TGFB2: variants seen among roughly 807,000 people sequenced by gnomAD.
The protein encoded by TGFB2 is transforming growth factor beta 2.
A neutral mutation model predicts 42.7 loss-of-function variants in TGFB2; 13 were observed. The observed-to-expected ratio is 0.30, with a 90% CI of 0.20 to 0.48. The LOEUF is 0.48. Among genes scored for constraint, TGFB2 ranks in the 20% least tolerant of loss-of-function variants. The probability of loss-of-function intolerance (pLI) is 0.99; values close to 1 mark genes in which losing one functional copy is unlikely to be tolerated. For synonymous variants in TGFB2, 193 were observed against 193.6 expected (o/e 1.00, Z 0.03); for missense variants, 390 against 517.5 (o/e 0.75, Z 2.39).
chr1:218,433,018 C>T (rs1051774499), intron 2 of TGFB2, among the ~76,000 whole-genome samples: 6 of 152,126 alleles, frequency 3.9e-5, no homozygotes, highest in South Asian at 4.1e-4. Flanking sequence ...ACTACAGTTG[C>T]GCTTTACTCA....
intron 1 of TGFB2, among the ~76,000 whole-genome samples, chr1:218,388,592 TA>T (rs935790575): frequency 6.6e-6 from 1 of 152,168 alleles, no homozygotes; most frequent in Admixed American, 6.5e-5. Flanking sequence ...ATCTTATCCC[TA>T]GGTCATTCCC....
Position 218,347,039 on chromosome 1 carries a change from C to A in TGFB2, c.338C>A (p.Pro113His). 6.3e-7 allele frequency: 1 copy of A among 1,580,804 alleles called. No individual in the cohort carries two copies. ...AAAATAGACATGCCGCCCTTCTTCCCCTCCGAAAGTAAGTACTTATTTTGA... is the reference window on the plus strand; with the variant it reads ...AAAATAGACATGCCGCCCTTCTTCCACTCCGAAAGTAAGTACTTATTTTGA... ...VYKIDMPPFFPSENAIPPTFY... is the reference protein window; with the variant it reads ...VYKIDMPPFFHSENAIPPTFY... Residue 113 changes from proline (P) to histidine (H), a missense_variant, in exon 1 of 7, where the codon CCC (proline) becomes CAC (histidine). Pro to His is a moderately conservative substitution (Grantham distance 77). Coordinates refer to ENST00000366930, the MANE Select transcript of TGFB2 (RefSeq NM_003238.6).
At chr1:218,393,909 CTT>C (rs756984581) in intron 1 of TGFB2, among the ~76,000 whole-genome samples, 19 of 137,048 alleles carry the variant, frequency 1.4e-4, no homozygotes, top group Non-Finnish European at 1.6e-4. Flanking sequence ...GCATCGGCCT[CTT>C]TTTTTTTTTT....
Position 218,361,120 on chromosome 1 carries a change from T to C in TGFB2, c.346+14073T>C, listed in dbSNP as rs552141292. 7.3e-4 allele frequency among the ~76,000 whole-genome samples: 111 copies of C among 152,308 alleles called. 1 individual carries two copies. Among genetic ancestry groups the C allele is most frequent in the African/African-American group, 1.5e-3 (61 of 41,566 alleles). ...TGCCTGCCTCGGCCTCCCAAAGTGT[T>C]GGGATTATAGGCGTGAGCCACCGCG... On this transcript the variant is annotated intron_variant, in intron 1 of 6. Coordinates refer to ENST00000366930, the MANE Select transcript of TGFB2 (RefSeq NM_003238.6).
rs920694595 is a variant in TGFB2 at position 218,392,330 on chromosome 1, A to G, written c.347-12839A>G. ...ATCATGCCACTGCACTCCAGCCTGG[A>G]CGACAGAGCAAGACTCCGTCTCAAA... On this transcript the variant is annotated intron_variant, in intron 1 of 6. Transcript: ENST00000366930. 5.3e-5 allele frequency among the ~76,000 whole-genome samples: 8 copies of G among 152,092 alleles called. No homozygotes were observed. In the East Asian group the frequency reaches 1.3e-3, roughly 26 times the overall value.
intron 1 of TGFB2, among the ~76,000 whole-genome samples, chr1:218,401,778 G>C (rs1658730095): frequency 6.6e-6 from 1 of 152,200 alleles, no homozygotes; most frequent in African/African-American, 2.4e-5. Context: ...AGCTGCACAA[G>C]CCATTAAGCC....
At position 218,434,465 on chromosome 1, in the gene TGFB2, C is replaced by A; in HGVS notation, c.754+17C>A. The A allele has an allele frequency of 8.7e-6, 13 of 1,491,994 alleles. No individual in the cohort carries two copies. The highest frequency in any genetic ancestry group is 5.7e-5 in the South Asian group (5 of 88,052). 92.4% of individuals were successfully genotyped at this position (1,491,994 alleles called of 1,614,324 possible). Reference sequence around the variant, plus strand: ...GATTTGCAGGTAACCAAAACTTGGTCATATGAGGTGGGGGAGGGAAGGGTC... The same window carrying A: ...GATTTGCAGGTAACCAAAACTTGGTAATATGAGGTGGGGGAGGGAAGGGTC... On this transcript the variant is annotated intron_variant, in intron 4 of 6. Transcript: ENST00000366930.
intron 2 of TGFB2, among the ~76,000 whole-genome samples, chr1:218,421,763 G>A (rs1439166037): frequency 6.6e-6 from 1 of 152,222 alleles, no homozygotes; most frequent in Non-Finnish European, 1.5e-5. Flanking sequence ...TCCTGCAGGA[G>A]GGTGGGTCCC....
At chr1:218,354,919 G>T (rs1159533495) in intron 1 of TGFB2, among the ~76,000 whole-genome samples, 6 of 152,184 alleles carry the variant, frequency 3.9e-5, no homozygotes, top group African/African-American at 1.4e-4. Flanking sequence ...TTGTTTGTTT[G>T]TGAGACAGAG....
chr1:218,346,599 C>A lies in TGFB2; in HGVS notation c.-103C>A, dbSNP rs1048194881. 56 of 1,112,060 alleles carry A rather than the reference C, an allele frequency of 5.0e-5. No individual in the cohort carries two copies. Among genetic ancestry groups the A allele is most frequent in the Admixed American group, 9.0e-5 (3 of 33,262 alleles). 68.9% of individuals were successfully genotyped at this position (1,112,060 alleles called of 1,614,324 possible). A position where few individuals can be genotyped will look rare whatever the true frequency, so the allele number is the denominator to read the frequency against. On this transcript the variant is annotated 5_prime_UTR_variant, in exon 1 of 7. Transcript: ENST00000366930. This position sits in a 1 kb window ranked among gnomAD's most constrained non-coding sequence, Gnocchi z 4.9. ...AGTTTCGCATCAAAAACAACAACAA[C>A]AAAAAACCAAACAACTCTCCTTGAT...
chr1:218,431,975 C>T (rs1295935631), intron 2 of TGFB2, among the ~76,000 whole-genome samples: 4 of 152,184 alleles, frequency 2.6e-5, no homozygotes, highest in African/African-American at 7.2e-5. Context: ...ATTGTGTATA[C>T]GTTCCACTAT....
chr1:218,356,473 C>G (rs1657039087), intron 1 of TGFB2, among the ~76,000 whole-genome samples: 1 of 152,134 alleles, frequency 6.6e-6, no homozygotes, highest in Admixed American at 6.5e-5. Context: ...CCTGCCTCTG[C>G]CTTCTAAAGT....
intron 2 of TGFB2, chr1:218,405,619 T>C: frequency 2.3e-6 from 1 of 428,586 alleles, no homozygotes; most frequent in Admixed American, 3.5e-5. Context: ...TCTTCCCACC[T>C]TGGCCTCAAA....
At chr1:218,373,449 A>AT (rs1657637946) in intron 1 of TGFB2, among the ~76,000 whole-genome samples, 2 of 151,724 alleles carry the variant, frequency 1.3e-5, no homozygotes, top group African/African-American at 2.4e-5. Context: ...GACTAATATG[A>AT]TTAGTAATAT....
chr1:218,381,104 G>A (rs1276930961), intron 1 of TGFB2, among the ~76,000 whole-genome samples: 1 of 152,136 alleles, frequency 6.6e-6, no homozygotes, highest in Non-Finnish European at 1.5e-5. Context: ...ACCCCAACAA[G>A]TCAAGGCACT....
At chr1:218,389,295 T>C (rs1434247352) in intron 1 of TGFB2, among the ~76,000 whole-genome samples, 3 of 152,202 alleles carry the variant, frequency 2.0e-5, no homozygotes, top group Non-Finnish European at 4.4e-5. Flanking sequence ...TGAACACCTA[T>C]TGTGTACTAA....
At chr1:218,353,767 G>A (rs1656942196) in intron 1 of TGFB2, among the ~76,000 whole-genome samples, 1 of 152,140 alleles carries the variant, frequency 6.6e-6, no homozygotes, top group African/African-American at 2.4e-5. Flanking sequence ...GTATGTGCCT[G>A]TAGTCCTAGC....
chr1:218,414,451 C>T (rs903849130), intron 2 of TGFB2, among the ~76,000 whole-genome samples: 21 of 152,080 alleles, frequency 1.4e-4, no homozygotes, highest in African/African-American at 3.9e-4. Flanking sequence ...ATCCTAGCCC[C>T]GGCGCCACAT....
At chr1:218,422,832 T>A (rs1659501368) in intron 2 of TGFB2, among the ~76,000 whole-genome samples, 1 of 152,194 alleles carries the variant, frequency 6.6e-6, no homozygotes, top group Non-Finnish European at 1.5e-5. Flanking sequence ...AGCCAGTGCT[T>A]AATATTTGTT....
Sources: gnomAD v4.1 joint callset for allele counts (sites outside exome capture counted in the v4.1 genomes callset) on GRCh38, gnomAD v4.1.1 for gene constraint, Gnocchi (gnomAD v3.1) non-coding constraint, MANE v1.5 for transcripts, NCBI Gene and HGNC (gene_info 2026-07-23, HGNC 2026-07-21) for gene names.